The following KCNQ5 variants were observed in gnomAD, a reference collection of about 807,000 sequenced individuals.
The protein encoded by KCNQ5 is potassium voltage-gated channel subfamily KQT member 5.
In KCNQ5, 30 loss-of-function variants were observed where a neutral mutation model predicts 98.2. That is an observed-to-expected ratio of 0.31 (90% CI 0.23 to 0.41). The LOEUF (loss-of-function observed/expected upper bound fraction) is 0.41. Ranked by LOEUF, KCNQ5 falls within the 10% of genes least tolerant of loss-of-function variation. The pLI, the probability that KCNQ5 is intolerant of heterozygous loss-of-function variation, is 1.00. For synonymous variants in KCNQ5, 458 were observed against 449.4 expected, an observed-to-expected ratio of 1.02 and a Z score of -0.24; for missense variants, 835 against 1,182.5, an observed-to-expected ratio of 0.71 and a Z score of 4.31.
At chr6:72,663,281 A>T (rs1425866677) in intron 1 of KCNQ5, among the ~76,000 whole-genome samples, 1 of 152,214 alleles carries the variant, frequency 6.6e-6, no homozygotes, top group Non-Finnish European at 1.5e-5. Context: ...ATATAATTTT[A>T]AAAAATCGTG....
chr6:72,664,582 G>T (rs781730080), intron 1 of KCNQ5, among the ~76,000 whole-genome samples: 36 of 152,132 alleles, frequency 2.4e-4, no homozygotes, highest in Non-Finnish European at 4.9e-4. Context: ...TTGAACCTGG[G>T]AGGCAGAGCT....
intron 1 of KCNQ5, among the ~76,000 whole-genome samples, chr6:72,810,977 C>T (rs1430240059): frequency 1.3e-5 from 2 of 152,276 alleles, no homozygotes; most frequent in Non-Finnish European, 1.5e-5. Context: ...ACAGAGTATT[C>T]GCTGTATAAA....
intron 1 of KCNQ5, among the ~76,000 whole-genome samples, chr6:72,880,040 G>C (rs1778578288): frequency 6.6e-6 from 1 of 151,956 alleles, no homozygotes; most frequent in South Asian, 2.1e-4. Context: ...TCTAATCTTG[G>C]ATCTTTACTC....
intron 1 of KCNQ5, among the ~76,000 whole-genome samples, chr6:72,964,550 A>G (rs570240819): frequency 6.6e-6 from 1 of 152,356 alleles, no homozygotes; most frequent in Admixed American, 6.5e-5. Context: ...TGATTACAAG[A>G]AAATATTCAT....
intron 3 of KCNQ5, among the ~76,000 whole-genome samples, chr6:73,063,455 G>C (rs569319079): frequency 7.2e-5 from 11 of 152,000 alleles, no homozygotes; most frequent in African/African-American, 2.4e-4. Context: ...GCACAGATAA[G>C]AGCAGCAATA....
At chr6:72,748,476 G>A (rs1771515493) in intron 1 of KCNQ5, among the ~76,000 whole-genome samples, 1 of 152,058 alleles carries the variant, frequency 6.6e-6, no homozygotes, top group Non-Finnish European at 1.5e-5. Flanking sequence ...AAATTCTCAA[G>A]TGATTTGAAT....
Position 73,042,000 on chromosome 6 carries a change from G to A in KCNQ5, c.554G>A (p.Cys185Tyr). Residue 185 changes from cysteine (C) to tyrosine (Y), a missense_variant, in exon 3 of 14, where the codon TGT becomes TAT. Transcript: ENST00000370398. ...FIIRIWSAGCCCRYRGWQGRL... is the reference protein window; with the variant it reads ...FIIRIWSAGCYCRYRGWQGRL... ...ATTCGAATCTGGTCTGCGGGTTGCT[G>A]TTGTCGATATAGAGGATGGCAAGGA... The A allele has an allele frequency of 6.2e-7, 1 of 1,613,948 alleles. No homozygotes were observed. The highest frequency in any genetic ancestry group is 8.5e-7 in the Non-Finnish European group (1 of 1,179,818).
intron 1 of KCNQ5, among the ~76,000 whole-genome samples, chr6:72,866,257 T>A (rs867832901): frequency 0.044 from 6,548 of 147,748 alleles, 132 homozygotes; most frequent in Non-Finnish European, 0.066. Flanking sequence ...TCTCCCTTTT[T>A]TTTTTTTTTT....
chr6:72,695,630 T>C (rs1388818942), intron 1 of KCNQ5, among the ~76,000 whole-genome samples: 1 of 152,150 alleles, frequency 6.6e-6, no homozygotes, highest in Non-Finnish European at 1.5e-5. Flanking sequence ...GTTTATAATA[T>C]ATAATATTAC....
chr6:72,727,189 AT>A (rs1207679802), intron 1 of KCNQ5, among the ~76,000 whole-genome samples: 2 of 152,252 alleles, frequency 1.3e-5, no homozygotes, highest in Non-Finnish European at 2.9e-5. Context: ...ATGACCTGCC[AT>A]GGGGGCAAGA....
intron 1 of KCNQ5, among the ~76,000 whole-genome samples, chr6:72,940,241 A>G (rs1269408503): frequency 6.6e-6 from 1 of 152,212 alleles, no homozygotes; most frequent in Non-Finnish European, 1.5e-5. Flanking sequence ...AGATTTAATA[A>G]TTTGACAATG....
At chr6:72,734,302 A>C (rs1770707801) in intron 1 of KCNQ5, among the ~76,000 whole-genome samples, 1 of 151,310 alleles carries the variant, frequency 6.6e-6, no homozygotes, top group Non-Finnish European at 1.5e-5. Flanking sequence ...AAACATGTTC[A>C]ATAACTAGTT....
chr6:72,641,307 A>C (rs1189595735), intron 1 of KCNQ5, among the ~76,000 whole-genome samples: 1 of 151,974 alleles, frequency 6.6e-6, no homozygotes, highest in African/African-American at 2.4e-5. Context: ...CATCAGCATC[A>C]CACACACACA....
chr6:73,098,803 A>G lies in KCNQ5; in HGVS notation c.919-6454A>G, dbSNP rs565510870. Among the ~76,000 whole-genome samples, 8 of 152,310 alleles carry G rather than the reference A, an allele frequency of 5.3e-5. No individual in the cohort carries two copies. In the South Asian group the frequency reaches 1.0e-3, roughly 20 times the overall value. On this transcript the variant is annotated intron_variant, in intron 5 of 13. Coordinates refer to ENST00000370398, the MANE Select transcript of KCNQ5 (RefSeq NM_019842.4). ...AGGCATTAAGGAAAAACTAAAAACC[A>G]TCTAAGGGTAGAAAACTCACTGGTA... is the stretch of plus-strand genomic sequence containing the variant.
intron 3 of KCNQ5, chr6:73,043,190 CTTTA>C (rs1250844585): frequency 2.4e-6 from 1 of 408,266 alleles, no homozygotes; most frequent in South Asian, 1.9e-5. Context: ...AAGAAGAATC[CTTTA>C]TTCCATACTT....
chr6:72,652,434 C>T (rs1765924904), intron 1 of KCNQ5, among the ~76,000 whole-genome samples: 1 of 151,792 alleles, frequency 6.6e-6, no homozygotes, highest in Non-Finnish European at 1.5e-5. Context: ...GTTTTTCCCC[C>T]TCCCTCTTTA....
At chr6:72,698,678 T>C (rs1429653406) in intron 1 of KCNQ5, among the ~76,000 whole-genome samples, 4 of 126,676 alleles carry the variant, frequency 3.2e-5, no homozygotes, top group African/African-American at 1.2e-4. Flanking sequence ...TTTGGAGAGA[T>C]AAGATATCAC....
intron 1 of KCNQ5, among the ~76,000 whole-genome samples, chr6:72,696,942 CAAAGAT>C (rs1768536889): frequency 6.6e-6 from 1 of 152,156 alleles, no homozygotes; most frequent in African/African-American, 2.4e-5. Context: ...AAAACTCTAT[CAAAGAT>C]GAAGATAATC....
intron 7 of KCNQ5, among the ~76,000 whole-genome samples, chr6:73,115,360 G>T (rs1775448829): frequency 6.6e-6 from 1 of 152,124 alleles, no homozygotes; most frequent in Admixed American, 6.5e-5. Context: ...GGGAAACTAA[G>T]AGGAAGATTT....
Sources: allele counts gnomAD v4.1 joint callset (sites outside exome capture counted in the v4.1 genomes callset), GRCh38; gene constraint gnomAD v4.1.1; transcripts MANE v1.5; gene names NCBI Gene and HGNC (gene_info 2026-07-23, HGNC 2026-07-21).